PDE3B: variants seen among roughly 807,000 people sequenced by gnomAD.
PDE3B encodes cGMP-inhibited 3',5'-cyclic phosphodiesterase 3B.
PDE3B carries 66 observed loss-of-function variants against 116.8 expected under a neutral mutation model. The observed-to-expected ratio is 0.56, with a 90% CI of 0.46 to 0.69. PDE3B has a LOEUF of 0.69. Among genes scored for constraint, PDE3B ranks in the 30% least tolerant of loss-of-function variants. PDE3B has a pLI of 0.00. For synonymous variants in PDE3B, 595 were observed against 533.6 expected (o/e 1.12, Z -1.59); for missense variants, 1,384 against 1,368.1 (o/e 1.01, Z -0.18).
intron 1 of PDE3B, among the ~76,000 whole-genome samples, chr11:14,661,874 G>A (rs556760468): frequency 1.4e-3 from 209 of 152,294 alleles, no homozygotes; most frequent in African/African-American, 4.6e-3. Context: ...CACCTCTGGG[G>A]GCAGGGCACA....
intron 1 of PDE3B, among the ~76,000 whole-genome samples, chr11:14,752,313 G>A (rs182968965): frequency 1.3e-5 from 2 of 152,222 alleles, no homozygotes; most frequent in African/African-American, 4.8e-5. Context: ...AGAAAACTGG[G>A]ACAATCTAGG....
chr11:14,734,205 G>T (rs1856535961), intron 1 of PDE3B, among the ~76,000 whole-genome samples: 1 of 152,164 alleles, frequency 6.6e-6, no homozygotes, highest in African/African-American at 2.4e-5. Flanking sequence ...CTGAGTAGCT[G>T]TTACTACAGG....
chr11:14,885,755 A>C, the PDE3B span: 1 of 1,610,186 alleles, frequency 6.2e-7, no homozygotes, highest in Non-Finnish European at 8.5e-7. Context: ...TAAATCACTA[A>C]ATAGGTGCAA....
chr11:14,891,047 C>A, the PDE3B span: 10 of 985,342 alleles, frequency 1.0e-5, no homozygotes, highest in African/African-American at 1.7e-5. Context: ...CCGCTAGCGT[C>A]AGGCCTGTAG....
chr11:14,788,555 A>G (rs1234439463), intron 3 of PDE3B, among the ~76,000 whole-genome samples: 1 of 151,996 alleles, frequency 6.6e-6, no homozygotes, highest in East Asian at 1.9e-4. Context: ...AAAATGGAAT[A>G]TTGGTAATTG....
At chr11:14,691,846 C>T (rs1855048590) in intron 1 of PDE3B, among the ~76,000 whole-genome samples, 1 of 152,090 alleles carries the variant, frequency 6.6e-6, no homozygotes, top group African/African-American at 2.4e-5. Flanking sequence ...TTATATGTTG[C>T]TTTTTGTCAG....
At chr11:14,878,280 C>G in the PDE3B span, 1 of 1,612,934 alleles carries the variant, frequency 6.2e-7, no homozygotes, top group Admixed American at 1.7e-5. Flanking sequence ...AAGTGTTCTC[C>G]AAGACAATGT....
chr11:14,816,849 C>T (rs1859347009), intron 5 of PDE3B, among the ~76,000 whole-genome samples: 1 of 152,198 alleles, frequency 6.6e-6, no homozygotes, highest in Non-Finnish European at 1.5e-5. Flanking sequence ...GGACTATAAA[C>T]TAGTTCAACC....
chr11:14,645,017 C>A lies in PDE3B; in HGVS notation c.942C>A (p.Phe314Leu), dbSNP rs1379898347. Residue 314 changes from phenylalanine (F) to leucine (L), a missense_variant, in exon 1 of 16, where the codon TTC (phenylalanine) becomes TTA (leucine). This residue lies in a region of PDE3B where 956 missense variants were observed against 806.8 expected (regional missense o/e 1.18). Transcript: ENST00000282096. ...AASYYGSCKI[F>L]RRPSLPCISR... ...GTTACTATGGCAGTTGCAAAATATT[C>A]AGGAGACCGTCGTTGCCTTGTATTT... 1.2e-6 allele frequency: 2 copies of A among 1,612,606 alleles called. No homozygotes were observed. Among genetic ancestry groups the A allele is most frequent in the Non-Finnish European group, 8.5e-7 (1 of 1,179,470 alleles).
chr11:14,839,315 T>G (rs1302433016), intron 11 of PDE3B, among the ~76,000 whole-genome samples: 1 of 152,212 alleles, frequency 6.6e-6, no homozygotes, highest in African/African-American at 2.4e-5. Flanking sequence ...ATTGCCTCAT[T>G]CTGGCAAAAC....
intron 2 of PDE3B, among the ~76,000 whole-genome samples, chr11:14,778,306 T>G (rs1185959445): frequency 6.6e-6 from 1 of 152,150 alleles, no homozygotes; most frequent in Admixed American, 6.5e-5. Context: ...CTGACAGCGT[T>G]GAAGAGAGGA....
chr11:14,707,183 G>GA (rs752943607), intron 1 of PDE3B, among the ~76,000 whole-genome samples: 8 of 152,090 alleles, frequency 5.3e-5, no homozygotes, highest in Middle Eastern at 6.8e-3. Flanking sequence ...TGTGGTTATA[G>GA]AAAGCCTTTG....
chr11:14,698,247 C>T (rs936177780), intron 1 of PDE3B, among the ~76,000 whole-genome samples: 6 of 151,592 alleles, frequency 4.0e-5, no homozygotes, highest in African/African-American at 7.3e-5. Flanking sequence ...TTTAAAAAAA[C>T]GATAAATGAA....
intron 1 of PDE3B, chr11:14,673,796 G>A (rs1854447297): frequency 9.6e-6 from 8 of 829,724 alleles, no homozygotes; most frequent in Non-Finnish European, 1.7e-5. Flanking sequence ...CCTGGGACAT[G>A]GGTGCCTTGG....
intron 1 of PDE3B, among the ~76,000 whole-genome samples, chr11:14,745,845 G>C (rs1856897087): frequency 6.6e-6 from 1 of 152,126 alleles, no homozygotes; most frequent in African/African-American, 2.4e-5. Context: ...AATTTTGTGA[G>C]ATCAGGGACC....
the PDE3B span, among the ~76,000 whole-genome samples, chr11:14,896,815 C>T: frequency 2.0e-5 from 3 of 152,208 alleles, no homozygotes; most frequent in African/African-American, 4.8e-5. Context: ...AATTTAAAGC[C>T]TTCTTCTGCT....
chr11:14,680,362 T>C (rs1450307928), intron 1 of PDE3B, among the ~76,000 whole-genome samples: 3 of 152,208 alleles, frequency 2.0e-5, no homozygotes, highest in African/African-American at 7.2e-5. Context: ...CCTGGTTATA[T>C]GTGATGTTCT....
intron 8 of PDE3B, among the ~76,000 whole-genome samples, 187 bp from the exon 9 acceptor site, chr11:14,831,453 T>C (rs898694324): frequency 1.3e-5 from 2 of 151,986 alleles, no homozygotes; most frequent in Admixed American, 6.5e-5. Context: ...GTTATGTTTT[T>C]AGTTTTTGAA....
the PDE3B span, chr11:14,880,206 A>G: frequency 6.2e-7 from 1 of 1,613,086 alleles, no homozygotes; most frequent in Non-Finnish European, 8.5e-7. Context: ...TTTCAGTTCC[A>G]GCAATGATGA....
Sources: allele counts gnomAD v4.1 joint callset (sites outside exome capture counted in the v4.1 genomes callset), GRCh38; gene constraint gnomAD v4.1.1; regional missense constraint gnomAD v4.1.1; transcripts MANE v1.5; gene names NCBI Gene and HGNC (gene_info 2026-07-23, HGNC 2026-07-21).